Variants in MICU2 observed in about 807,000 individuals in gnomAD.
MICU2 encodes the protein mitochondrial calcium uptake 2.
In MICU2, 64 loss-of-function variants were observed where a neutral mutation model predicts 60.4. The observed-to-expected ratio is 1.06, with a 90% CI of 0.87 to 1.31. The LOEUF (loss-of-function observed/expected upper bound fraction) is 1.31. Ranked by LOEUF, MICU2 falls within the 50% of genes most tolerant of loss-of-function variation. The pLI, the probability that MICU2 is intolerant of heterozygous loss-of-function variation, is 0.00. For synonymous variants in MICU2, 201 were observed against 175.0 expected (o/e 1.15, Z -1.17); for missense variants, 569 against 531.0 (o/e 1.07, Z -0.70).
At chr13:21,603,854 G>T (rs1888885983) in intron 1 of MICU2, 85 bp downstream of exon 1, 2 of 1,458,152 alleles carry the variant, frequency 1.4e-6, no homozygotes, top group Admixed American at 2.0e-5. Flanking sequence ...CGGGAGAGCC[G>T]CCCAGAGCCA....
intron 2 of MICU2, among the ~76,000 whole-genome samples, chr13:21,561,392 C>T (rs1323190350): frequency 6.6e-6 from 1 of 152,098 alleles, no homozygotes; most frequent in Admixed American, 6.5e-5. Context: ...ACAGAAGGCT[C>T]TTGAAATCTC....
At chr13:21,535,871 G>A (rs898788940) in intron 4 of MICU2, among the ~76,000 whole-genome samples, 3 of 152,016 alleles carry the variant, frequency 2.0e-5, no homozygotes, top group Non-Finnish European at 2.9e-5. Flanking sequence ...CATAAGGAAG[G>A]CATTACTATC....
Position 21,522,649 on chromosome 13 carries a change from C to A in MICU2, c.468G>T (p.Gly156=), listed in dbSNP as rs1357698253. 6.3e-7 allele frequency: 1 copy of A among 1,598,336 alleles called. No individual in the cohort carries two copies. Among genetic ancestry groups the A allele is most frequent in the African/African-American group, 1.3e-5 (1 of 74,326 alleles). The change falls in exon 5 of 12, where the codon GGG becomes GGT. Residue 156 remains glycine, a splice_region_variant and synonymous_variant. Transcript: ENST00000382374. ...AAAGATACTCGGTATATGAAATTAG[C>A]CCTGAAAGAGATAAAAACATACCAG... ...STFFRDLGDK[G]LISYTEYLFL...
chr13:21,523,991 G>GT (rs1200126309), intron 4 of MICU2, among the ~76,000 whole-genome samples: 1 of 152,150 alleles, frequency 6.6e-6, no homozygotes, highest in East Asian at 1.9e-4. Flanking sequence ...CCTGGATGAA[G>GT]TTGGGTTTGA....
At chr13:21,598,210 G>A (rs1008505880) in intron 1 of MICU2, among the ~76,000 whole-genome samples, 3 of 151,854 alleles carry the variant, frequency 2.0e-5, no homozygotes, top group Non-Finnish European at 4.4e-5. Context: ...AACCTGTTAT[G>A]AATTAAAAAA....
chr13:21,544,516 G>GAAA (rs10628955), intron 2 of MICU2, among the ~76,000 whole-genome samples: 4,871 of 77,246 alleles, frequency 0.063, 324 homozygotes, highest in African/African-American at 0.11. Context: ...ATAAACACAT[G>GAAA]AAAAAAAAAA....
chr13:21,603,141 G>T (rs1309664685), intron 1 of MICU2, among the ~76,000 whole-genome samples: 1 of 151,988 alleles, frequency 6.6e-6, no homozygotes, highest in Admixed American at 6.6e-5. Context: ...GAGACCGGGG[G>T]GGCGGGGCTG....
Position 21,521,288 on chromosome 13 carries a change from T to C in MICU2, c.554A>G (p.Asp185Gly). ...TTCAATCATCTCATTACCATCTGTA[T>C]CCAGCATTTTAAAAGCAACATGAAA... The part of the protein sequence containing the change: ...SGFHVAFKML[D>G]TDGNEMIEKR... Residue 185 changes from aspartate to glycine, a missense_variant, in exon 6 of 12, where the codon GAT (aspartate) becomes GGT (glycine). Coordinates refer to ENST00000382374, the MANE Select transcript of MICU2 (RefSeq NM_152726.3). 3 of 1,610,740 alleles carry C rather than the reference T, an allele frequency of 1.9e-6. No homozygotes were observed. Among genetic ancestry groups the C allele is most frequent in the Non-Finnish European group, 2.5e-6 (3 of 1,178,988 alleles).
At chr13:21,512,196 C>T (rs1886447214) in intron 7 of MICU2, among the ~76,000 whole-genome samples, 1 of 152,142 alleles carries the variant, frequency 6.6e-6, no homozygotes, top group African/African-American at 2.4e-5. Context: ...TTGCATTGCG[C>T]TAATGACTAA....
intron 1 of MICU2, among the ~76,000 whole-genome samples, chr13:21,588,195 T>C (rs1888500771): frequency 6.6e-6 from 1 of 152,180 alleles, no homozygotes; most frequent in Non-Finnish European, 1.5e-5. Flanking sequence ...TCATAGAAGT[T>C]AAAGACTTAA....
chr13:21,584,068 T>C (rs1294692724), intron 1 of MICU2, among the ~76,000 whole-genome samples: 1 of 152,168 alleles, frequency 6.6e-6, no homozygotes, highest in African/African-American at 2.4e-5. Flanking sequence ...CTTTCATATT[T>C]AAGGGTTCAT....
intron 2 of MICU2, among the ~76,000 whole-genome samples, chr13:21,562,646 G>A (rs550059839): frequency 2.0e-5 from 3 of 152,262 alleles, no homozygotes; most frequent in East Asian, 3.9e-4. Context: ...GGTGGTACAA[G>A]TATCTTATAA....
At chr13:21,520,044 A>C (rs1420186230) in intron 6 of MICU2, among the ~76,000 whole-genome samples, 1 of 152,192 alleles carries the variant, frequency 6.6e-6, no homozygotes, top group Non-Finnish European at 1.5e-5. Context: ...TCAGGCAACC[A>C]GTGATCTGCT....
intron 1 of MICU2, among the ~76,000 whole-genome samples, chr13:21,571,170 C>A (rs1002965056): frequency 3.3e-5 from 5 of 151,902 alleles, no homozygotes; most frequent in Admixed American, 1.3e-4. Context: ...TTACTTTAAT[C>A]TCTGTTATCT....
chr13:21,529,711 A>C (rs1488563717), intron 4 of MICU2, among the ~76,000 whole-genome samples: 5 of 152,222 alleles, frequency 3.3e-5, no homozygotes, highest in African/African-American at 1.2e-4. Flanking sequence ...CATGTAAGTC[A>C]CTGTAACCTT....
At chr13:21,502,274 A>G (rs991306622) in intron 9 of MICU2, among the ~76,000 whole-genome samples, 1 of 152,214 alleles carries the variant, frequency 6.6e-6, no homozygotes. Flanking sequence ...TACATAAAAT[A>G]CATGTCCATT....
At chr13:21,509,709 C>T (rs867651003) in intron 8 of MICU2, among the ~76,000 whole-genome samples, 1 of 152,202 alleles carries the variant, frequency 6.6e-6, no homozygotes, top group Non-Finnish European at 1.5e-5. Flanking sequence ...GCCTAAAGAA[C>T]AACTGACGCT....
At chr13:21,501,366 T>C (rs544543747) in intron 9 of MICU2, among the ~76,000 whole-genome samples, 37 of 151,864 alleles carry the variant, frequency 2.4e-4, no homozygotes, top group South Asian at 1.0e-3. Context: ...GGGTTCACAC[T>C]ATTCTCCTGC....
chr13:21,586,871 T>C (rs980355022), intron 1 of MICU2, among the ~76,000 whole-genome samples: 3 of 152,192 alleles, frequency 2.0e-5, no homozygotes, highest in Non-Finnish European at 4.4e-5. Flanking sequence ...TTAAATATAG[T>C]ATGTAAAAAT....
Sources: allele counts gnomAD v4.1 joint callset (sites outside exome capture counted in the v4.1 genomes callset), GRCh38; gene constraint gnomAD v4.1.1; transcripts MANE v1.5; gene names NCBI Gene and HGNC (gene_info 2026-07-23, HGNC 2026-07-21).